PHF21A: variants seen among roughly 807,000 people sequenced by gnomAD.
The protein encoded by PHF21A is PHD finger protein 21A.
Under a neutral mutation model 82.5 loss-of-function variants are expected in PHF21A, and 11 were observed. The observed-to-expected ratio is 0.13, with a 90% confidence interval of 0.08 to 0.22. The LOEUF is 0.22. Among genes scored for constraint, PHF21A ranks in the 10% least tolerant of loss-of-function variants. The pLI, the probability that PHF21A is intolerant of heterozygous loss-of-function variation, is 1.00. For synonymous variants in PHF21A, 297 were observed against 302.8 expected (o/e 0.98, Z 0.20); for missense variants, 579 against 837.8 (o/e 0.69, Z 3.81).
chr11:46,033,509 C>T (rs898754316), intron 6 of PHF21A, among the ~76,000 whole-genome samples: 9 of 152,276 alleles, frequency 5.9e-5, no homozygotes, highest in South Asian at 2.1e-4. Flanking sequence ...AGCAATCCAC[C>T]GGCCTCAGCC....
chr11:46,036,248 A>G (rs369529792), intron 6 of PHF21A, among the ~76,000 whole-genome samples: 146 of 152,348 alleles, frequency 9.6e-4, no homozygotes, highest in African/African-American at 2.9e-3. Context: ...ATTTACAGTC[A>G]TAAGTAACAT....
intron 6 of PHF21A, among the ~76,000 whole-genome samples, chr11:46,021,737 G>A (rs1475180871): frequency 1.3e-5 from 2 of 151,458 alleles, no homozygotes; most frequent in African/African-American, 4.9e-5. Context: ...TTTTTGTAGA[G>A]ATGAGATCCC....
intron 10 of PHF21A, among the ~76,000 whole-genome samples, chr11:45,954,828 A>G (rs1035377182): frequency 5.9e-5 from 9 of 152,352 alleles, no homozygotes; most frequent in African/African-American, 2.2e-4. Context: ...AATAAAACTG[A>G]TTATTGATGG....
chr11:46,115,196 C>T (rs2136116152), intron 1 of PHF21A, among the ~76,000 whole-genome samples: 1 of 152,120 alleles, frequency 6.6e-6, no homozygotes, highest in Middle Eastern at 3.4e-3. Context: ...TTCAAATTGC[C>T]ACACAAGTCT....
intron 1 of PHF21A, among the ~76,000 whole-genome samples, chr11:46,101,427 A>G (rs958338883): frequency 6.6e-6 from 1 of 152,232 alleles, no homozygotes; most frequent in African/African-American, 2.4e-5. Context: ...TTTACACACT[A>G]TAAATAAAGA....
intron 1 of PHF21A, among the ~76,000 whole-genome samples, chr11:46,112,419 G>A (rs1018884703): frequency 6.6e-6 from 1 of 152,132 alleles, no homozygotes; most frequent in African/African-American, 2.4e-5. Flanking sequence ...GCCAAGCACC[G>A]TGCTAGGTAC....
chr11:45,948,088 G>T (rs2091548393), intron 14 of PHF21A, among the ~76,000 whole-genome samples: 1 of 152,028 alleles, frequency 6.6e-6, no homozygotes. Context: ...AACCTTTCTA[G>T]CCTGCAACTA....
chr11:46,078,561 A>C (rs2096755001), intron 5 of PHF21A, among the ~76,000 whole-genome samples: 1 of 152,188 alleles, frequency 6.6e-6, no homozygotes, highest in East Asian at 1.9e-4. Context: ...ATGAGAATTT[A>C]AAGAAAAGTT....
chr11:46,040,337 G>A (rs2096104878), intron 6 of PHF21A, among the ~76,000 whole-genome samples: 2 of 152,190 alleles, frequency 1.3e-5, no homozygotes, highest in Non-Finnish European at 2.9e-5. Context: ...GACACTACTG[G>A]TAGTTATAAA....
intron 6 of PHF21A, among the ~76,000 whole-genome samples, chr11:46,008,617 G>A (rs2137271901): frequency 6.6e-6 from 1 of 152,216 alleles, no homozygotes; most frequent in African/African-American, 2.4e-5. Context: ...GTGGAAATGT[G>A]ACTCGGTTTT....
chr11:46,087,525 A>AT (rs1361058555), intron 3 of PHF21A, among the ~76,000 whole-genome samples: 2 of 151,224 alleles, frequency 1.3e-5, no homozygotes, highest in Non-Finnish European at 2.9e-5. Context: ...CATATGAAGG[A>AT]TTAGAAGATT....
intron 1 of PHF21A, among the ~76,000 whole-genome samples, chr11:46,100,053 C>T (rs1488545745): frequency 6.6e-6 from 1 of 152,136 alleles, no homozygotes; most frequent in Admixed American, 6.5e-5. Context: ...AGCTACAATA[C>T]ACTGGGAATT....
intron 6 of PHF21A, among the ~76,000 whole-genome samples, chr11:46,043,501 A>T (rs1357400841): frequency 6.6e-6 from 1 of 152,136 alleles, no homozygotes; most frequent in African/African-American, 2.4e-5. Context: ...TTAGTTATTA[A>T]TATCTGCAAT....
chr11:46,034,581 T>C (rs1197364601), intron 6 of PHF21A, among the ~76,000 whole-genome samples: 1 of 152,200 alleles, frequency 6.6e-6, no homozygotes, highest in Non-Finnish European at 1.5e-5. Flanking sequence ...TGTTTTTTAG[T>C]ATGATGTAAA....
chr11:45,940,807 G>A (rs2090204686), intron 15 of PHF21A, among the ~76,000 whole-genome samples: 1 of 152,220 alleles, frequency 6.6e-6, no homozygotes, highest in African/African-American at 2.4e-5. Context: ...AAAATTATCA[G>A]TGATGGAGTG....
At chr11:46,077,874 A>G (rs2096745621) in intron 5 of PHF21A, among the ~76,000 whole-genome samples, 1 of 152,208 alleles carries the variant, frequency 6.6e-6, no homozygotes, top group African/African-American at 2.4e-5. Context: ...CTGTTAATCT[A>G]AAGTCTACCA....
rs2094644482 is a variant in PHF21A, at chr11:45,990,279, A to AG, written c.154-10314_154-10313insC. Reference sequence around the variant, plus strand: ...TTTTTTTTTTTTTTTTTTTTTTTCAAACAGGATCTCACTCTGTCCCCCAGG... The same window carrying AG: ...TTTTTTTTTTTTTTTTTTTTTTTCAAGACAGGATCTCACTCTGTCCCCCAGG... On this transcript the variant is annotated intron_variant, in intron 6 of 18. Coordinates refer to ENST00000676320, the MANE Select transcript of PHF21A (RefSeq NM_001352027.3). Among the ~76,000 whole-genome samples, 7 of 118,066 alleles carry AG rather than the reference A, an allele frequency of 5.9e-5. 1 individual carries two copies. The highest frequency in any genetic ancestry group is 6.2e-4 in the South Asian group (2 of 3,202). The allele number at this position is 118,066 out of a possible 152,430, so 77.5% of individuals were successfully genotyped here. A position where few individuals can be genotyped will look rare whatever the true frequency, so the allele number is the denominator to read the frequency against.
chr11:46,067,304 G>C (rs930239937), intron 6 of PHF21A, among the ~76,000 whole-genome samples: 1 of 152,188 alleles, frequency 6.6e-6, no homozygotes, highest in Admixed American at 6.5e-5. Flanking sequence ...GAAAAGTCTA[G>C]AGGGTAAGGT....
intron 6 of PHF21A, among the ~76,000 whole-genome samples, chr11:46,015,228 C>A (rs1565547354): frequency 6.6e-6 from 1 of 152,038 alleles, no homozygotes; most frequent in Non-Finnish European, 1.5e-5. Flanking sequence ...AAGTTCCTTA[C>A]AGATTCTGGA....
Sources: gnomAD v4.1 joint callset for allele counts (sites outside exome capture counted in the v4.1 genomes callset) on GRCh38, gnomAD v4.1.1 for gene constraint, MANE v1.5 for transcripts, NCBI Gene and HGNC (gene_info 2026-07-23, HGNC 2026-07-21) for gene names.